The following RGS6 variants were observed in gnomAD, a reference collection of about 807,000 sequenced individuals.
RGS6 encodes the protein regulator of G-protein signaling 6.
A neutral mutation model predicts 78.5 loss-of-function variants in RGS6; 30 were observed. The ratio of observed to expected loss-of-function variants is 0.38; its 90% CI spans 0.29 to 0.52. RGS6 has a LOEUF of 0.52. Ranked by LOEUF, RGS6 falls within the 20% of genes least tolerant of loss-of-function variation. The probability of loss-of-function intolerance (pLI) is 0.85; values close to 1 mark genes in which losing one functional copy is unlikely to be tolerated. For synonymous variants in RGS6, 206 were observed against 206.0 expected, an observed-to-expected ratio of 1.00 and a Z score of 0.00; for missense variants, 495 against 609.7, an observed-to-expected ratio of 0.81 and a Z score of 1.98.
At chr14:71,869,667 C>T in the RGS6 span, among the ~76,000 whole-genome samples, 1 of 152,170 alleles carries the variant, frequency 6.6e-6, no homozygotes, top group Non-Finnish European at 1.5e-5. Flanking sequence ...AATTAGGCAA[C>T]CTTTTTTGCT....
chr14:71,964,689 A>G, intron 1 of RGS6, 83 bp from the exon 2 acceptor site: 1 of 945,888 alleles, frequency 1.1e-6, no homozygotes, highest in Non-Finnish European at 1.6e-6. Context: ...GCATCTGCCA[A>G]AAGTTACTTA....
intron 2 of RGS6, among the ~76,000 whole-genome samples, chr14:72,115,870 C>T (rs534483258): frequency 2.0e-5 from 3 of 152,228 alleles, no homozygotes; most frequent in African/African-American, 7.2e-5. Flanking sequence ...CATGTGTGGC[C>T]CACTCAGACT....
At chr14:71,929,397 CCTAA>C (rs771538292), upstream of RGS6, among the ~76,000 whole-genome samples, 12 of 152,090 alleles carry the variant, frequency 7.9e-5, no homozygotes, top group Non-Finnish European at 1.5e-4. Flanking sequence ...GATGTTTTAT[CCTAA>C]CTTACATATT....
chr14:72,198,243 C>G (rs1421495778), intron 2 of RGS6, among the ~76,000 whole-genome samples: 1 of 152,154 alleles, frequency 6.6e-6, no homozygotes, highest in Non-Finnish European at 1.5e-5. Flanking sequence ...GTCCCAGCTA[C>G]TCAGGAGGCT....
chr14:72,237,876 A>T (rs8022525), intron 2 of RGS6, among the ~76,000 whole-genome samples: 50,504 of 151,902 alleles, frequency 0.33, 9,233 homozygotes, highest in South Asian at 0.46. Context: ...TACAACGCTC[A>T]TAGCAGTTAC....
At chr14:71,922,886 C>CA in the RGS6 span, among the ~76,000 whole-genome samples, 1 of 148,940 alleles carries the variant, frequency 6.7e-6, no homozygotes, top group Non-Finnish European at 1.5e-5. Flanking sequence ...CAAAACAAAA[C>CA]AAAAAAAGGA....
At position 72,495,566 on chromosome 14, in the gene RGS6, TAGAC is replaced by T. The variant is rs948773769; in HGVS notation, c.965+307_965+310del. On this transcript the variant is annotated intron_variant, in intron 13 of 17. Transcript: ENST00000553525. ...CTGTTGTTCCAATTTTTTTTCCTGT[TAGAC>T]AGCAACAATAATGATAATAGCTGGC... Among the ~76,000 whole-genome samples, 4 of 152,272 alleles carry T rather than the reference TAGAC, an allele frequency of 2.6e-5. No individual in the cohort carries two copies. The East Asian group carries it at 5.8e-4, about 22-fold the overall frequency.
At chr14:72,472,041 G>A (rs183456852) in intron 8 of RGS6, among the ~76,000 whole-genome samples, 122 of 152,076 alleles carry the variant, frequency 8.0e-4, no homozygotes, top group African/African-American at 2.7e-3. Flanking sequence ...AAAATCGCAG[G>A]GTGATTATGG....
At chr14:71,977,810 G>A (rs1448556756) in intron 2 of RGS6, among the ~76,000 whole-genome samples, 3 of 152,012 alleles carry the variant, frequency 2.0e-5, no homozygotes, top group East Asian at 1.9e-4. Context: ...AAAGGCATTG[G>A]TAGCTTGATG....
chr14:72,377,823 A>T (rs1262604305), intron 3 of RGS6, among the ~76,000 whole-genome samples: 3 of 152,194 alleles, frequency 2.0e-5, no homozygotes, highest in African/African-American at 7.2e-5. Context: ...ACAAAAGATT[A>T]AAAAATTAAC....
intron 2 of RGS6, among the ~76,000 whole-genome samples, chr14:72,291,941 T>C (rs2152331673): frequency 6.6e-6 from 1 of 152,202 alleles, no homozygotes; most frequent in East Asian, 1.9e-4. Context: ...TTATTAACCC[T>C]GAAATAGTGG....
chr14:71,919,951 G>A, the RGS6 span, among the ~76,000 whole-genome samples: 2 of 152,056 alleles, frequency 1.3e-5, no homozygotes, highest in African/African-American at 2.4e-5. Flanking sequence ...CAGAGATCAC[G>A]CCACTGCATT....
At chr14:72,182,957 G>C (rs149649) in intron 2 of RGS6, among the ~76,000 whole-genome samples, 148,385 of 152,348 alleles carry the variant, frequency 0.97, 72,291 homozygotes, top group East Asian at 1. Context: ...GATGTAGTTT[G>C]AGTTACTTCC....
At chr14:72,532,410 C>G (rs974897941) in intron 15 of RGS6, among the ~76,000 whole-genome samples, 1 of 152,158 alleles carries the variant, frequency 6.6e-6, no homozygotes, top group African/African-American at 2.4e-5. Flanking sequence ...CTCTCTACTC[C>G]CTGAAATGAC....
intron 2 of RGS6, among the ~76,000 whole-genome samples, chr14:72,062,262 T>C (rs912399441): frequency 3.3e-5 from 5 of 152,324 alleles, no homozygotes; most frequent in Admixed American, 3.3e-4. Flanking sequence ...AGTAGGATGT[T>C]TGAAGAACAG....
At chr14:71,966,116 AAACT>A (rs1003306347) in intron 2 of RGS6, among the ~76,000 whole-genome samples, 29 of 152,194 alleles carry the variant, frequency 1.9e-4, no homozygotes, top group Admixed American at 1.3e-3. Flanking sequence ...GTGAAAATTT[AAACT>A]AACTCTCTTG....
chr14:72,198,800 G>A (rs940574045), intron 2 of RGS6, among the ~76,000 whole-genome samples: 1 of 152,252 alleles, frequency 6.6e-6, no homozygotes, highest in African/African-American at 2.4e-5. Flanking sequence ...CAAATGACCA[G>A]TGTGGTAGAT....
chr14:71,874,907 GT>G, the RGS6 span, among the ~76,000 whole-genome samples: 2 of 152,184 alleles, frequency 1.3e-5, no homozygotes, highest in African/African-American at 4.8e-5. Flanking sequence ...TAATCATGTG[GT>G]TTTTGTCTTT....
chr14:72,454,745 T>C lies in RGS6; in HGVS notation c.235+167T>C, dbSNP rs574785881. Among the ~76,000 whole-genome samples, 8 of 152,338 alleles carry C rather than the reference T, an allele frequency of 5.3e-5. No individual in the cohort carries two copies. In the East Asian group the frequency reaches 9.6e-4, roughly 18 times the overall value. On this transcript the variant is annotated intron_variant, in intron 4 of 17. Coordinates refer to ENST00000553525, the MANE Select transcript of RGS6 (RefSeq NM_001204424.2). ...AATAAAATTAATTTATTTTCTCCAC[T>C]GAATATTTGTCTTTAAATTTAAATC... is the stretch of plus-strand genomic sequence containing the variant.
Sources: allele counts gnomAD v4.1 joint callset (sites outside exome capture counted in the v4.1 genomes callset), GRCh38; gene constraint gnomAD v4.1.1; transcripts MANE v1.5; gene names NCBI Gene and HGNC (gene_info 2026-07-23, HGNC 2026-07-21).